Variants in MAVS observed in about 807,000 individuals in gnomAD.
MAVS encodes mitochondrial antiviral-signaling protein.
In MAVS, 20 loss-of-function variants were observed where a neutral mutation model predicts 30.2. The ratio of observed to expected loss-of-function variants is 0.66; its 90% CI spans 0.47 to 0.96. The LOEUF is 0.96. Among genes scored for constraint, MAVS ranks in the 40% least tolerant of loss-of-function variants. The pLI is 0.00. For synonymous variants in MAVS, 278 were observed against 293.9 expected, an observed-to-expected ratio of 0.95 and a Z score of 0.55; for missense variants, 624 against 701.1, an observed-to-expected ratio of 0.89 and a Z score of 1.24.
At chr20:3,850,190 T>G (rs916594315) in intron 1 of MAVS, among the ~76,000 whole-genome samples, 14 of 132,468 alleles carry the variant, frequency 1.1e-4, no homozygotes, top group African/African-American at 3.6e-4. Flanking sequence ...GGCAGGAGAA[T>G]GGTGTGAACC....
At chr20:3,852,654 C>T (rs998613126) in intron 1 of MAVS, among the ~76,000 whole-genome samples, 1 of 151,834 alleles carries the variant, frequency 6.6e-6, no homozygotes, top group Non-Finnish European at 1.5e-5. Context: ...AGAAATGGGC[C>T]CTAGGTATTC....
rs188617136 is a variant in MAVS, at chr20:3,855,720, G to A, written c.117+979G>A. 2.6e-5 allele frequency among the ~76,000 whole-genome samples: 4 copies of A among 152,230 alleles called. No homozygotes were observed. The East Asian group carries it at 7.7e-4, about 29-fold the overall frequency. On this transcript the variant is annotated intron_variant, in intron 2 of 6. Transcript: ENST00000428216. ...GTTTGCTCCTCCCTCTTGTATTTTG[G>A]GGTTTATAGGGATATCTTGTTTTAT... is the stretch of plus-strand genomic sequence containing the variant.
chr20:3,861,290 G>A (rs758181425), intron 3 of MAVS, 42 bp from the exon 4 acceptor site: 4 of 1,569,210 alleles, frequency 2.5e-6, no homozygotes, highest in Admixed American at 1.8e-5. Flanking sequence ...ACTGTGCCCA[G>A]CCCTGATTCC....
In MAVS at chr20:3,875,617, G is replaced by C. The variant is rs1175004078; in HGVS notation, c.*9470G>C. The C allele has an allele frequency of 6.6e-6, 1 of 152,288 alleles. No individual in the cohort carries two copies. Among genetic ancestry groups the C allele is most frequent in the Non-Finnish European group, 1.5e-5 (1 of 68,034 alleles). 9.4% of individuals were successfully genotyped at this position (152,288 alleles called of 1,614,324 possible). A position where few individuals can be genotyped will look rare whatever the true frequency, so the allele number is the denominator to read the frequency against. On this transcript the variant is annotated 3_prime_UTR_variant, in exon 7 of 7. Coordinates refer to ENST00000428216, the MANE Select transcript of MAVS (RefSeq NM_020746.5). Reference sequence around the variant, plus strand: ...GAGGAAGTGGCAGGGCAGGCAAAATGAAGGGAAGCCCTGGGTTCTTGTCCT... The same window carrying C: ...GAGGAAGTGGCAGGGCAGGCAAAATCAAGGGAAGCCCTGGGTTCTTGTCCT...
At position 3,866,219 on chromosome 20, in the gene MAVS, C is replaced by A; in HGVS notation, c.*72C>A. 7.2e-7 allele frequency: 1 copy of A among 1,383,484 alleles called. No individual in the cohort carries two copies. The highest frequency in any genetic ancestry group is 9.6e-7 in the Non-Finnish European group (1 of 1,037,564). 85.7% of individuals were successfully genotyped at this position (1,383,484 alleles called of 1,614,324 possible). A position where few individuals can be genotyped will look rare whatever the true frequency, so the allele number is the denominator to read the frequency against. On this transcript the variant is annotated 3_prime_UTR_variant, in exon 7 of 7. Transcript: ENST00000428216. ...TACACCTGGCCCCTCTCCGAAGCCCCTTGTCCCTTTCTTGGGGATTGTGGA... is the reference window on the plus strand; with the variant it reads ...TACACCTGGCCCCTCTCCGAAGCCCATTGTCCCTTTCTTGGGGATTGTGGA...
chr20:3,853,090 C>T (rs536732475), intron 1 of MAVS, among the ~76,000 whole-genome samples: 1 of 150,616 alleles, frequency 6.6e-6, no homozygotes, highest in Admixed American at 6.6e-5. Flanking sequence ...CCATCCGCCT[C>T]GGCCTCCCAA....
chr20:3,850,982 C>T (rs11697176), intron 1 of MAVS, among the ~76,000 whole-genome samples: 11,327 of 151,576 alleles, frequency 0.075, 632 homozygotes, highest in Non-Finnish European at 0.12. Context: ...GTCAAGAGTT[C>T]GAGACCAGCC....
At chr20:3,854,436 A>AG in intron 1 of MAVS, 122 bp from the exon 2 acceptor site, 1 of 383,144 alleles carries the variant, frequency 2.6e-6, no homozygotes, top group South Asian at 4.0e-5. Context: ...AAAAAAAAAA[A>AG]AAGAAGAAAT....
chr20:3,866,148 T>G lies in MAVS; in HGVS notation c.*1T>G. ...GCTGTACCGGCGGCGTCTGCACTAG[T>G]GAAGCCCTGGGCTCTTCCCACCACC... On this transcript the variant is annotated 3_prime_UTR_variant, in exon 7 of 7. Transcript: ENST00000428216. The G allele has an allele frequency of 1.3e-6, 2 of 1,577,648 alleles. No individual in the cohort carries two copies. The highest frequency in any genetic ancestry group is 1.7e-5 in the Admixed American group (1 of 57,712).
Position 3,852,003 on chromosome 20 carries a change from TTTTTCCCC to T in MAVS, c.-67-2554_-67-2547del, listed in dbSNP as rs1329946692. Among the ~76,000 whole-genome samples, 20 of 43,550 alleles carry T rather than the reference TTTTTCCCC, an allele frequency of 4.6e-4. 1 individual carries two copies. In the East Asian group the frequency reaches 9.0e-3, roughly 20 times the overall value. 28.6% of individuals were successfully genotyped at this position (43,550 alleles called of 152,430 possible). On this transcript the variant is annotated intron_variant, in intron 1 of 6. Coordinates refer to ENST00000428216, the MANE Select transcript of MAVS (RefSeq NM_020746.5). The stretch of plus-strand genomic sequence containing the variant: ...ATGTGTAGCAGGCTTTTTTTTTTTT[TTTTTCCCC>T]CGAGACGGAATCTGGCTCTGTCGCC...
rs1230366485 is a variant in MAVS, at chr20:3,868,735, G to C, written c.*2588G>C. ...AGGTAAAAAATACAAAAAGTAACTG[G>C]GCATGGCGGCGCCCATCTATAGTCC... On this transcript the variant is annotated 3_prime_UTR_variant, in exon 7 of 7. Coordinates refer to ENST00000428216, the MANE Select transcript of MAVS (RefSeq NM_020746.5). The C allele has an allele frequency of 1.3e-5, 2 of 152,092 alleles. No individual in the cohort carries two copies. Among genetic ancestry groups the C allele is most frequent in the Non-Finnish European group, 2.9e-5 (2 of 68,028 alleles). 9.4% of individuals were successfully genotyped at this position (152,092 alleles called of 1,614,324 possible).
At position 3,865,915 on chromosome 20, in the gene MAVS, G is replaced by A. The variant is rs1193151335; in HGVS notation, c.1391G>A (p.Gly464Asp). The change falls in exon 7 of 7, where the codon GGC (glycine) becomes GAC (aspartate). Residue 464 changes from glycine (G) to aspartate (D), a missense_variant. Coordinates refer to ENST00000428216, the MANE Select transcript of MAVS (RefSeq NM_020746.5). This position sits in a 1 kb window ranked among gnomAD's most constrained non-coding sequence, Gnocchi z 4.7. Reference sequence around the variant, plus strand: ...GAGGAGAATGAGTATAAGTCCGAGGGCACCTTTGGGATCCACGTGGCTGAG... The same window carrying A: ...GAGGAGAATGAGTATAAGTCCGAGGACACCTTTGGGATCCACGTGGCTGAG... Reference protein sequence around the residue: ...GPEENEYKSEGTFGIHVAENP... With the variant: ...GPEENEYKSEDTFGIHVAENP... 2 of 1,613,816 alleles carry A rather than the reference G, an allele frequency of 1.2e-6. No individual in the cohort carries two copies. The highest frequency in any genetic ancestry group is 1.7e-6 in the Non-Finnish European group (2 of 1,179,958).
At position 3,864,697 on chromosome 20, in the gene MAVS, C is replaced by G; in HGVS notation, c.1067C>G (p.Ala356Gly). 8 of 1,614,248 alleles carry G rather than the reference C, an allele frequency of 5.0e-6. No homozygotes were observed. The highest frequency in any genetic ancestry group is 6.8e-6 in the Non-Finnish European group (8 of 1,180,054). The change falls in exon 6 of 7, where the codon GCT becomes GGT. Residue 356 changes from alanine (A) to glycine (G), a missense_variant. Coordinates refer to ENST00000428216, the MANE Select transcript of MAVS (RefSeq NM_020746.5). ...PSKLPINSTR[A>G]GMVPSKVPTS... is the part of the protein sequence containing the mutation. ...AAATTGCCCATCAACTCAACCCGTGCTGGCATGGTGCCATCCAAAGTGCCT... is the reference window on the plus strand; with the variant it reads ...AAATTGCCCATCAACTCAACCCGTGGTGGCATGGTGCCATCCAAAGTGCCT...
At chr20:3,857,907 C>A in intron 3 of MAVS, 98 bp downstream of exon 3, 1 of 1,340,784 alleles carries the variant, frequency 7.5e-7, no homozygotes, top group South Asian at 1.2e-5. Flanking sequence ...TCTCTGTCAT[C>A]CTCTTTCTTG....
At chr20:3,864,168 A>C in intron 5 of MAVS, 88 bp from the exon 6 acceptor site, 1 of 1,405,912 alleles carries the variant, frequency 7.1e-7, no homozygotes, top group Non-Finnish European at 9.7e-7. Context: ...AGTAGGGACC[A>C]TGAGATCTGG....
Position 3,866,272 on chromosome 20 carries a change from T to C in MAVS, c.*125T>C. On this transcript the variant is annotated 3_prime_UTR_variant, in exon 7 of 7. Transcript: ENST00000428216. ...CTGGGTCAGAGGGGAGTTAAGGGAC[T>C]GCAGGCCTGGCAGCAGGACATGCCT... 1 of 917,066 alleles carries C rather than the reference T, an allele frequency of 1.1e-6. No homozygotes were observed. The highest frequency in any genetic ancestry group is 1.6e-6 in the Non-Finnish European group (1 of 626,250). The allele number at this position is 917,066 out of a possible 1,614,324, so 56.8% of individuals were successfully genotyped here.
In MAVS at chr20:3,864,435, G is replaced by C; in HGVS notation, c.805G>C (p.Gly269Arg). The C allele has an allele frequency of 6.2e-7, 1 of 1,613,980 alleles. No homozygotes were observed. Among genetic ancestry groups the C allele is most frequent in the Non-Finnish European group, 8.5e-7 (1 of 1,179,998 alleles). ...CTTGGCCTCTGCAGGGGCTGCAGAG[G>C]GTAAACAGGGTGCAGAGAGTGACCA... ...PGLASAGAAEGKQGAESDQAE... is the reference protein window; with the variant it reads ...PGLASAGAAERKQGAESDQAE... The change falls in exon 6 of 7, where the codon GGT becomes CGT. Residue 269 changes from glycine to arginine, a missense_variant. Transcript: ENST00000428216.
At chr20:3,863,641 C>T (rs534896608) in intron 5 of MAVS, among the ~76,000 whole-genome samples, 3 of 152,216 alleles carry the variant, frequency 2.0e-5, no homozygotes, top group Admixed American at 6.5e-5. Context: ...ATGTGCATTC[C>T]GAGTTCCGTG....
chr20:3,862,229 T>A, intron 4 of MAVS, 25 bp from the exon 5 acceptor site: 1 of 1,609,920 alleles, frequency 6.2e-7, no homozygotes, highest in East Asian at 2.2e-5. Flanking sequence ...GGCAACTGCC[T>A]TATTCATATT....
Sources: gnomAD v4.1 joint callset for allele counts (sites outside exome capture counted in the v4.1 genomes callset) on GRCh38, gnomAD v4.1.1 for gene constraint, Gnocchi (gnomAD v3.1) non-coding constraint, MANE v1.5 for transcripts, NCBI Gene and HGNC (gene_info 2026-07-23, HGNC 2026-07-21) for gene names.